NCOR2: variants seen among roughly 807,000 people sequenced by gnomAD.
NCOR2 encodes CTG repeat protein 26.
A neutral mutation model predicts 262.9 loss-of-function variants in NCOR2; 81 were observed. That is an observed-to-expected ratio of 0.31 (90% CI 0.26 to 0.37). The LOEUF is 0.37. Ranked by LOEUF, NCOR2 falls within the 10% of genes least tolerant of loss-of-function variation. NCOR2 has a pLI of 1.00. For missense variants in NCOR2, 3,385 were observed against 3,621.4 expected, an observed-to-expected ratio of 0.93 and a Z score of 1.68; for synonymous variants, 1,659 against 1,559.3, an observed-to-expected ratio of 1.06 and a Z score of -1.51.
chr12:124,565,438 C>A (rs1303677403), intron 1 of NCOR2, among the ~76,000 whole-genome samples: 2 of 152,164 alleles, frequency 1.3e-5, no homozygotes, highest in Non-Finnish European at 2.9e-5. Flanking sequence ...CTCTGCTGGG[C>A]CTGACTCAGT....
intron 38 of NCOR2, chr12:124,335,964 T>C (rs1471434285): frequency 8.1e-5 from 25 of 307,572 alleles, no homozygotes; most frequent in Middle Eastern, 9.3e-4. Flanking sequence ...CATGGGTCTC[T>C]GGGGAAGGAG....
At chr12:124,462,729 T>C (rs1199465959) in intron 5 of NCOR2, among the ~76,000 whole-genome samples, 2 of 152,306 alleles carry the variant, frequency 1.3e-5, no homozygotes, top group South Asian at 2.1e-4. Context: ...CAAACAAGCA[T>C]GAGGAGTGCC....
rs1225644502 is a variant in NCOR2, at chr12:124,483,997, G to C, written c.234-224C>G. On this transcript the variant is annotated intron_variant, in intron 2 of 46. Transcript: ENST00000405201. The surrounding 1 kb of genome is among the most constrained non-coding windows in gnomAD (Gnocchi z 6.3). ...CCACATTCACCGAGGACATTTACAG[G>C]GAGGGAGTGTGCTACGGTGGCACTG... is the stretch of plus-strand genomic sequence containing the variant. Among the ~76,000 whole-genome samples the C allele has an allele frequency of 6.6e-6, 1 of 152,152 alleles. No individual in the cohort carries two copies. Among genetic ancestry groups the C allele is most frequent in the African/African-American group, 2.4e-5 (1 of 41,440 alleles).
intron 17 of NCOR2, among the ~76,000 whole-genome samples, chr12:124,384,843 G>A (rs1327423843): frequency 6.6e-6 from 1 of 152,018 alleles, no homozygotes; most frequent in Non-Finnish European, 1.5e-5. Context: ...GGGGAGGGGA[G>A]CTATGCAACC....
At chr12:124,488,821 G>C (rs753697928) in intron 1 of NCOR2, among the ~76,000 whole-genome samples, 2 of 152,202 alleles carry the variant, frequency 1.3e-5, no homozygotes, top group South Asian at 4.1e-4. Context: ...CCTGGGAAGA[G>C]GGCCTCGGCC....
chr12:124,339,920 C>A, intron 37 of NCOR2, 86 bp downstream of exon 39: 2 of 671,548 alleles, frequency 3.0e-6, no homozygotes, highest in South Asian at 1.5e-5. Flanking sequence ...CCATATACCT[C>A]CCACCAAGCA....
chr12:124,437,355 C>T (rs1263399347), intron 8 of NCOR2, among the ~76,000 whole-genome samples: 4 of 152,224 alleles, frequency 2.6e-5, no homozygotes, highest in Non-Finnish European at 5.9e-5. Context: ...CAGACCCAGC[C>T]TCCCCGCCGT....
intron 13 of NCOR2, among the ~76,000 whole-genome samples, chr12:124,416,859 G>A (rs936136036): frequency 4.3e-4 from 63 of 147,766 alleles, no homozygotes; most frequent in African/African-American, 1.4e-3. Context: ...GGGAGACCCC[G>A]TGGCACAGAT....
At chr12:124,466,427 A>C in intron 4 of NCOR2, 141 bp from the exon 7 acceptor site, 1 of 701,886 alleles carries the variant, frequency 1.4e-6, no homozygotes, top group Non-Finnish European at 2.3e-6. Flanking sequence ...ATTTCCTGTG[A>C]GTCACCCCAG....
Position 124,503,671 on chromosome 12 carries a change from AATGGATGG to A in NCOR2, c.-117-8311_-117-8304del, listed in dbSNP as rs140410776. Among the ~76,000 whole-genome samples, 12,917 of 122,070 alleles carry A rather than the reference AATGGATGG, an allele frequency of 0.11. 1,081 individuals are homozygous for A. The highest frequency in any genetic ancestry group is 0.24 in the African/African-American group (8,162 of 33,414). The allele number at this position is 122,070 out of a possible 152,430, so 80.1% of individuals were successfully genotyped here. On this transcript the variant is annotated intron_variant, in intron 1 of 46. Transcript: ENST00000404621. This position sits in a 1 kb window ranked among gnomAD's most constrained non-coding sequence, Gnocchi z 4.3. The stretch of plus-strand genomic sequence containing the variant: ...GGATGGATGGATGGATGGACGGGTG[AATGGATGG>A]ATGGATGGATGGATGGATGGATGGA...
In NCOR2 at chr12:124,475,308, C is replaced by T. The variant is rs536847149; in HGVS notation, c.412-2177G>A. Among the ~76,000 whole-genome samples the T allele has an allele frequency of 2.0e-4, 30 of 152,338 alleles. No individual in the cohort carries two copies. The South Asian group carries it at 4.6e-3, about 23-fold the overall frequency. On this transcript the variant is annotated intron_variant, in intron 3 of 46. Coordinates refer to ENST00000405201, the Ensembl canonical transcript of NCOR2. Reference sequence around the variant, plus strand: ...AAATCACACCTGGGGCCGCTCACAGCTCAGCCTATCCCAGTCCTCTGCACA... The same window carrying T: ...AAATCACACCTGGGGCCGCTCACAGTTCAGCCTATCCCAGTCCTCTGCACA...
chr12:124,384,561 GACTC>G (rs1399229132), intron 17 of NCOR2, among the ~76,000 whole-genome samples: 2 of 152,186 alleles, frequency 1.3e-5, no homozygotes, highest in South Asian at 2.1e-4. Flanking sequence ...GCGCACACAT[GACTC>G]ACTAAGAACC....
At chr12:124,524,328 C>T (rs2050344769) in intron 1 of NCOR2, among the ~76,000 whole-genome samples, 1 of 152,234 alleles carries the variant, frequency 6.6e-6, no homozygotes, top group African/African-American at 2.4e-5. Context: ...TCACTCCTTT[C>T]CTCCCTGTGT....
chr12:124,483,701 G>C lies in NCOR2; in HGVS notation c.306C>G (p.Phe102Leu). 1 of 1,611,982 alleles carries C rather than the reference G, an allele frequency of 6.2e-7. No individual in the cohort carries two copies. Residue 102 changes from phenylalanine (F) to leucine (L), a missense_variant, in exon 3 of 47, where the codon TTC becomes TTG. Coordinates refer to ENST00000405201, the Ensembl canonical transcript of NCOR2. This position sits in a 1 kb window ranked among gnomAD's most constrained non-coding sequence, Gnocchi z 6.3. Reference sequence around the variant, plus strand: ...CTAGCCGAGGGCGCTTGCTTTCAATGAACTCCATCTCTGACTTCCCCAGCT... The same window carrying C: ...CTAGCCGAGGGCGCTTGCTTTCAATCAACTCCATCTCTGACTTCCCCAGCT...
intron 33 of NCOR2, among the ~76,000 whole-genome samples, chr12:124,342,628 A>G (rs2036550404): frequency 6.6e-6 from 1 of 152,282 alleles, no homozygotes; most frequent in African/African-American, 2.4e-5. Context: ...TCGGCCTCCC[A>G]AAGTGCTGGG....
At chr12:124,425,233 G>A (rs552161468) in intron 11 of NCOR2, among the ~76,000 whole-genome samples, 1 of 152,226 alleles carries the variant, frequency 6.6e-6, no homozygotes, top group South Asian at 2.1e-4. Flanking sequence ...AATTAGCCAG[G>A]CATGGTGGTG....
At chr12:124,386,005 C>A in intron 16 of NCOR2, 118 bp from the exon 19 acceptor site, 1 of 1,289,936 alleles carries the variant, frequency 7.8e-7, no homozygotes, top group Non-Finnish European at 1.0e-6. Context: ...GGGCTCCCTG[C>A]TCAGGCCCAG....
rs2047488659 is a variant in NCOR2, at chr12:124,481,538, T to TGGGGGAGGGCGCTCC, written c.411+2043_411+2057dup. ...AGGAGCGAGGAAAGAGGAATGTGCC[T>TGGGGGAGGGCGCTCC]GGGGGAGGGCGCTCCTGCGGAGGGC... On this transcript the variant is annotated intron_variant, in intron 3 of 46. Coordinates refer to ENST00000405201, the Ensembl canonical transcript of NCOR2. The surrounding 1 kb of genome is among the most constrained non-coding windows in gnomAD (Gnocchi z 4.6). Among the ~76,000 whole-genome samples, 2 of 152,040 alleles carry TGGGGGAGGGCGCTCC rather than the reference T, an allele frequency of 1.3e-5. No homozygotes were observed. The highest frequency in any genetic ancestry group is 4.8e-5 in the African/African-American group (2 of 41,392).
chr12:124,334,033 G>C (rs1012404807), intron 41 of NCOR2, among the ~76,000 whole-genome samples: 2 of 88,044 alleles, frequency 2.3e-5, no homozygotes, highest in African/African-American at 5.5e-5. Flanking sequence ...TGTGTGGAAA[G>C]GCTGCTCTCT....
Sources: allele counts gnomAD v4.1 joint callset (sites outside exome capture counted in the v4.1 genomes callset), GRCh38; gene constraint gnomAD v4.1.1; non-coding constraint Gnocchi (gnomAD v3.1); transcripts MANE v1.5; gene names NCBI Gene and HGNC (gene_info 2026-07-23, HGNC 2026-07-21).